The following PPARGC1A variants were observed in gnomAD, a reference collection of about 807,000 sequenced individuals.
PPARGC1A encodes the protein PPARG coactivator 1 alpha, also known as peroxisome proliferator-activated receptor gamma coactivator 1-alpha.
PPARGC1A carries 25 observed loss-of-function variants against 88.7 expected under a neutral mutation model. The ratio of observed to expected loss-of-function variants is 0.28; its 90% confidence interval spans 0.21 to 0.39. The LOEUF (loss-of-function observed/expected upper bound fraction) is 0.39. Among genes scored for constraint, PPARGC1A ranks in the 10% least tolerant of loss-of-function variants. The pLI, the probability that PPARGC1A is intolerant of heterozygous loss-of-function variation, is 1.00. For synonymous variants in PPARGC1A, 363 were observed against 355.6 expected (o/e 1.02, Z -0.24); for missense variants, 880 against 968.7 (o/e 0.91, Z 1.22).
At chr4:24,434,540 C>T in the PPARGC1A span, among the ~76,000 whole-genome samples, 3 of 152,272 alleles carry the variant, frequency 2.0e-5, no homozygotes, top group Non-Finnish European at 2.9e-5. Context: ...ATGGCGCTCG[C>T]GTGACAAATG....
At chr4:23,917,397 C>G in the PPARGC1A span, among the ~76,000 whole-genome samples, 1 of 143,716 alleles carries the variant, frequency 7.0e-6, no homozygotes, top group Non-Finnish European at 1.5e-5. Context: ...TTTTTTGAGA[C>G]AGAGTCCTGC....
At chr4:23,845,215 T>A (rs974282164) in intron 2 of PPARGC1A, among the ~76,000 whole-genome samples, 1 of 152,082 alleles carries the variant, frequency 6.6e-6, no homozygotes, top group Non-Finnish European at 1.5e-5. Flanking sequence ...ACCCTAGGCA[T>A]AACCAGTGTT....
At chr4:24,047,750 A>G in the PPARGC1A span, among the ~76,000 whole-genome samples, 14 of 152,206 alleles carry the variant, frequency 9.2e-5, no homozygotes, top group African/African-American at 3.4e-4. Context: ...AACCAGGCCT[A>G]TCTCAGGCCA....
chr4:23,895,498 A>G (rs559947204), intron 1 of PPARGC1A, among the ~76,000 whole-genome samples: 1 of 152,050 alleles, frequency 6.6e-6, no homozygotes, highest in Non-Finnish European at 1.5e-5. Flanking sequence ...GAAGGGAAAT[A>G]AATTCTCATC....
chr4:24,408,383 A>T, the PPARGC1A span, among the ~76,000 whole-genome samples: 1 of 152,144 alleles, frequency 6.6e-6, no homozygotes, highest in Non-Finnish European at 1.5e-5. Context: ...TAAAATAGCA[A>T]CAGTTCAAAT....
At chr4:24,406,083 G>A in the PPARGC1A span, among the ~76,000 whole-genome samples, 1 of 152,160 alleles carries the variant, frequency 6.6e-6, no homozygotes, top group Non-Finnish European at 1.5e-5. Flanking sequence ...TTGTCCATGG[G>A]AAAGGCACAC....
chr4:24,147,659 G>C, the PPARGC1A span, among the ~76,000 whole-genome samples: 14 of 152,264 alleles, frequency 9.2e-5, no homozygotes, highest in South Asian at 2.9e-3. Flanking sequence ...AGGGCATCTA[G>C]GAGCCACAGA....
chr4:24,296,829 G>T, the PPARGC1A span, among the ~76,000 whole-genome samples: 1 of 152,156 alleles, frequency 6.6e-6, no homozygotes, highest in Non-Finnish European at 1.5e-5. Flanking sequence ...ACTGCCCAAG[G>T]TCACACAGCT....
the PPARGC1A span, among the ~76,000 whole-genome samples, chr4:24,055,124 G>A: frequency 4.6e-5 from 7 of 152,182 alleles, no homozygotes; most frequent in Admixed American, 4.6e-4. Flanking sequence ...TTGAGAACCT[G>A]AGATCTTTAA....
the PPARGC1A span, among the ~76,000 whole-genome samples, chr4:24,062,874 CTAGGCA>C: frequency 1.1e-4 from 16 of 152,244 alleles, no homozygotes; most frequent in South Asian, 3.3e-3. Flanking sequence ...GTATTTTTTC[CTAGGCA>C]TAGATGATCT....
the PPARGC1A span, among the ~76,000 whole-genome samples, chr4:24,229,651 G>C: frequency 6.6e-6 from 1 of 151,236 alleles, no homozygotes; most frequent in African/African-American, 2.4e-5. Flanking sequence ...TGACCAATAT[G>C]GTGAAACCCT....
At chr4:24,219,261 A>G in the PPARGC1A span, among the ~76,000 whole-genome samples, 22 of 152,198 alleles carry the variant, frequency 1.4e-4, no homozygotes, top group Non-Finnish European at 2.8e-4. Flanking sequence ...GGGTGGTCAC[A>G]CCTGGGCCAG....
the PPARGC1A span, among the ~76,000 whole-genome samples, chr4:24,093,912 A>G: frequency 6.6e-6 from 1 of 152,070 alleles, no homozygotes; most frequent in Non-Finnish European, 1.5e-5. Flanking sequence ...ATTATTGTCC[A>G]CCAGTATCTA....
At chr4:23,951,123 T>G in the PPARGC1A span, among the ~76,000 whole-genome samples, 1 of 152,244 alleles carries the variant, frequency 6.6e-6, no homozygotes, top group East Asian at 1.9e-4. Context: ...TCTCTCTGAC[T>G]TTGAAAGACC....
the PPARGC1A span, among the ~76,000 whole-genome samples, chr4:24,069,055 A>T: frequency 6.6e-6 from 1 of 152,234 alleles, no homozygotes; most frequent in African/African-American, 2.4e-5. Context: ...AGCATTTAAT[A>T]TGTGCCACGT....
the PPARGC1A span, among the ~76,000 whole-genome samples, chr4:24,166,564 T>G: frequency 6.6e-6 from 1 of 152,222 alleles, no homozygotes. Context: ...TGACTTTAAG[T>G]TGAAGCCAAT....
At chr4:24,251,273 G>T in the PPARGC1A span, among the ~76,000 whole-genome samples, 1 of 152,154 alleles carries the variant, frequency 6.6e-6, no homozygotes, top group Non-Finnish European at 1.5e-5. Flanking sequence ...ACTTCTCTGT[G>T]CCTTAGCCTT....
At chr4:24,268,017 A>T in the PPARGC1A span, among the ~76,000 whole-genome samples, 2 of 152,194 alleles carry the variant, frequency 1.3e-5, no homozygotes, top group African/African-American at 4.8e-5. Flanking sequence ...GAACCTTAAA[A>T]GGACTTATTC....
the PPARGC1A span, among the ~76,000 whole-genome samples, chr4:24,279,635 C>T: frequency 2.0e-5 from 3 of 152,158 alleles, no homozygotes; most frequent in Non-Finnish European, 4.4e-5. Context: ...GGTCTTCTCA[C>T]TCCCCACTCC....
Sources: gnomAD v4.1 joint callset for allele counts (sites outside exome capture counted in the v4.1 genomes callset) on GRCh38, gnomAD v4.1.1 for gene constraint, MANE v1.5 for transcripts, NCBI Gene and HGNC (gene_info 2026-07-23, HGNC 2026-07-21) for gene names.